PDE5A: variants seen among roughly 807,000 people sequenced by gnomAD.
The protein encoded by PDE5A is phosphodiesterase 5A.
Under a neutral mutation model 110.2 loss-of-function variants are expected in PDE5A, and 67 were observed. The ratio of observed to expected loss-of-function variants is 0.61; its 90% CI spans 0.50 to 0.75. The LOEUF is 0.75. Ranked by LOEUF, PDE5A falls within the 30% of genes least tolerant of loss-of-function variation. The pLI is 0.00. For synonymous variants in PDE5A, 328 were observed against 351.2 expected (o/e 0.93, Z 0.74); for missense variants, 862 against 1,045.1 (o/e 0.82, Z 2.42).
Position 119,560,283 on chromosome 4 carries a change from T to A in PDE5A, c.1199+13A>T. On this transcript the variant is annotated intron_variant, in intron 7 of 20. Coordinates refer to ENST00000354960, the MANE Select transcript of PDE5A (RefSeq NM_001083.4). ...TCATGTGATAAAGACAAGTAGAGAA[T>A]ACGTGCTTTTACCTTGTTAATGTAT... is the stretch of plus-strand genomic sequence containing the variant. 1.4e-6 allele frequency: 2 copies of A among 1,477,598 alleles called. No homozygotes were observed. The highest frequency in any genetic ancestry group is 1.9e-6 in the Non-Finnish European group (2 of 1,070,566). 91.5% of individuals were successfully genotyped at this position (1,477,598 alleles called of 1,614,324 possible).
At chr4:119,624,230 C>T (rs1730260657) in intron 1 of PDE5A, among the ~76,000 whole-genome samples, 1 of 152,088 alleles carries the variant, frequency 6.6e-6, no homozygotes, top group African/African-American at 2.4e-5. Context: ...AACTGCCTCA[C>T]AAAATATGCT....
intron 9 of PDE5A, chr4:119,550,555 C>G (rs1305147757): frequency 6.6e-6 from 1 of 152,178 alleles, no homozygotes; most frequent in East Asian, 1.9e-4. Context: ...CTCTCATTTA[C>G]CTTCACATAA....
In PDE5A at chr4:119,607,236, T is replaced by C; in HGVS notation, c.214A>G (p.Ile72Val). The C allele has an allele frequency of 6.2e-7, 1 of 1,613,936 alleles. No homozygotes were observed. The highest frequency in any genetic ancestry group is 8.5e-7 in the Non-Finnish European group (1 of 1,180,028). ...GAGCAAGATTCGGTGTGGCCTCTGA[T>C]ACCTTCCTTGCACACAGGGATGGTG... Reference protein sequence around the residue: ...VHTIPVCKEGIRGHTESCSCP... With the variant: ...VHTIPVCKEGVRGHTESCSCP... Residue 72 changes from isoleucine to valine, a missense_variant, in exon 2 of 21, where the codon ATC becomes GTC. Transcript: ENST00000354960.
rs1238937041 is a variant in PDE5A, at chr4:119,606,813, G to A, written c.637C>T (p.Leu213=). ...ATACAGTTATTTGAAACTTCTTCCA[G>A]TGTTGAACCTTCAGCAACATCAAAG... ...RLFDVAEGST[L]EEVSNNCIRL... Residue 213 remains leucine, a synonymous_variant, in exon 2 of 21, where the codon CTG becomes TTG. Coordinates refer to ENST00000354960, the MANE Select transcript of PDE5A (RefSeq NM_001083.4). 1.9e-6 allele frequency: 3 copies of A among 1,614,040 alleles called. No individual in the cohort carries two copies. The highest frequency in any genetic ancestry group is 1.7e-6 in the Non-Finnish European group (2 of 1,180,032).
At chr4:119,589,890 AGTCCTGCT>A (rs1466533576) in intron 3 of PDE5A, among the ~76,000 whole-genome samples, 1 of 152,188 alleles carries the variant, frequency 6.6e-6, no homozygotes, top group Non-Finnish European at 1.5e-5. Context: ...TGCCACCTCA[AGTCCTGCT>A]TCTGCATGTA....
intron 11 of PDE5A, among the ~76,000 whole-genome samples, chr4:119,529,199 GA>G (rs1726440611): frequency 6.6e-6 from 1 of 151,910 alleles, no homozygotes; most frequent in Non-Finnish European, 1.5e-5. Flanking sequence ...TCACAAGAGA[GA>G]AAAAGAAGGC....
chr4:119,563,893 A>G (rs1032382895), intron 5 of PDE5A, among the ~76,000 whole-genome samples: 1 of 152,146 alleles, frequency 6.6e-6, no homozygotes, highest in African/African-American at 2.4e-5. Flanking sequence ...TCTTATTAAC[A>G]CAGATTCTAA....
chr4:119,534,509 G>C (rs376254463), intron 11 of PDE5A, among the ~76,000 whole-genome samples: 1 of 151,660 alleles, frequency 6.6e-6, no homozygotes, highest in Admixed American at 6.6e-5. Context: ...CATTCCGCCC[G>C]CCCCCCAACC....
intron 14 of PDE5A, 50 bp from the exon 15 acceptor site, chr4:119,511,184 G>C (rs200620942): frequency 9.8e-5 from 111 of 1,128,526 alleles, no homozygotes; most frequent in Non-Finnish European, 1.4e-4. Context: ...TCCTTAATAT[G>C]CCATTTATCA....
intron 13 of PDE5A, chr4:119,519,761 A>G (rs1021292975): frequency 2.6e-5 from 4 of 152,268 alleles, no homozygotes; most frequent in Non-Finnish European, 4.4e-5. Context: ...AGGTTTTACA[A>G]CAAACACAAA....
chr4:119,538,031 T>C (rs1726788143), intron 11 of PDE5A, among the ~76,000 whole-genome samples: 1 of 152,056 alleles, frequency 6.6e-6, no homozygotes, highest in South Asian at 2.1e-4. Flanking sequence ...ATCTTTCCTG[T>C]CTCAGCACAG....
intron 18 of PDE5A, 65 bp from the exon 19 acceptor site, chr4:119,502,720 T>C (rs1268533104): frequency 2.9e-6 from 3 of 1,026,006 alleles, no homozygotes; most frequent in South Asian, 1.3e-5. Flanking sequence ...ACAGAGACCG[T>C]GAATGAAGGC....
intron 9 of PDE5A, chr4:119,543,394 GTTGTT>G (rs927291269): frequency 6.6e-6 from 1 of 152,042 alleles, no homozygotes; most frequent in Non-Finnish European, 1.5e-5. Context: ...TAAACAAAGT[GTTGTT>G]AAAGTCCTTA....
intron 11 of PDE5A, among the ~76,000 whole-genome samples, chr4:119,526,868 A>G (rs1726340170): frequency 6.6e-6 from 1 of 152,158 alleles, no homozygotes; most frequent in Admixed American, 6.6e-5. Context: ...AAAACTGACC[A>G]GAAAATATGC....
chr4:119,499,888 T>C (rs1725234101), intron 20 of PDE5A: 1 of 152,018 alleles, frequency 6.6e-6, no homozygotes, highest in Non-Finnish European at 1.5e-5. Flanking sequence ...ACATAACTAT[T>C]TCTGTAATAA....
chr4:119,504,606 T>C lies in PDE5A; in HGVS notation c.2268-7A>G, dbSNP rs200389561. 4.3e-6 allele frequency: 7 copies of C among 1,610,266 alleles called. No homozygotes were observed. The highest frequency in any genetic ancestry group is 2.2e-5 in the East Asian group (1 of 44,788). ...AGCTGTCATCAGCATTGCCCTGTTA[T>C]GGAAAAAAGAAACCCAAAACTCCTA... On this transcript the variant is annotated splice_polypyrimidine_tract_variant and splice_region_variant and intron_variant, in intron 17 of 20. Coordinates refer to ENST00000354960, the MANE Select transcript of PDE5A (RefSeq NM_001083.4).
At chr4:119,538,888 T>A in intron 11 of PDE5A, 72 bp downstream of exon 11, 1 of 1,086,046 alleles carries the variant, frequency 9.2e-7, no homozygotes, top group Non-Finnish European at 1.4e-6. Flanking sequence ...AGTATCCATC[T>A]AAATATTTAC....
chr4:119,603,684 T>C (rs1053710215), intron 2 of PDE5A, among the ~76,000 whole-genome samples: 5 of 152,168 alleles, frequency 3.3e-5, no homozygotes, highest in African/African-American at 1.2e-4. Flanking sequence ...GAACTAAATA[T>C]AGGTCATTTG....
rs1217263107 is a variant in PDE5A, at chr4:119,525,337, C to A, written c.1779+212G>T. ...GGAACACTCTCCCTTAGTCTTCACC[C>A]TGATACTTGATACATGCTAGGAGCC... is the stretch of plus-strand genomic sequence containing the variant. On this transcript the variant is annotated intron_variant, in intron 12 of 20. Coordinates refer to ENST00000354960, the MANE Select transcript of PDE5A (RefSeq NM_001083.4). This position sits in a 1 kb window ranked among gnomAD's most constrained non-coding sequence, Gnocchi z 4.3. Among the ~76,000 whole-genome samples, 1 of 152,080 alleles carries A rather than the reference C, an allele frequency of 6.6e-6. No individual in the cohort carries two copies. Among genetic ancestry groups the A allele is most frequent in the Non-Finnish European group, 1.5e-5 (1 of 68,022 alleles).
Sources: allele counts gnomAD v4.1 joint callset (sites outside exome capture counted in the v4.1 genomes callset), GRCh38; gene constraint gnomAD v4.1.1; non-coding constraint Gnocchi (gnomAD v3.1); transcripts MANE v1.5; gene names NCBI Gene and HGNC (gene_info 2026-07-23, HGNC 2026-07-21).